Variants in DNAH2 observed in about 807,000 individuals in gnomAD.
DNAH2 encodes dynein axonemal heavy chain 2.
In DNAH2, 323 loss-of-function variants were observed where a neutral mutation model predicts 523.5. That is an observed-to-expected ratio of 0.62 (90% CI 0.56 to 0.68). DNAH2 has a LOEUF of 0.68. Among genes scored for constraint, DNAH2 ranks in the 30% least tolerant of loss-of-function variants. DNAH2 has a pLI of 0.00. For synonymous variants in DNAH2, 2,093 were observed against 2,177.4 expected (o/e 0.96, Z 1.08); for missense variants, 4,907 against 5,701.5 (o/e 0.86, Z 4.49).
rs2075399647 is a variant in DNAH2 at position 7,743,031 on chromosome 17, C to A, written c.1793C>A (p.Thr598Asn). Residue 598 changes from threonine (T) to asparagine (N), a missense_variant, in exon 12 of 86, where the codon ACC (threonine) becomes AAC (asparagine). This residue lies in a region of DNAH2 where 2,806 missense variants were observed against 3,190.8 expected (regional missense o/e 0.88). Coordinates refer to ENST00000572933, the MANE Select transcript of DNAH2 (RefSeq NM_020877.5). ...GCCATTGATGAGCTGGTTCGAAAAACCTTCCAAGAGTGGACATCAAGTCTG... is the reference window on the plus strand; with the variant it reads ...GCCATTGATGAGCTGGTTCGAAAAAACTTCCAAGAGTGGACATCAAGTCTG... ...VQAIDELVRK[T>N]FQEWTSSLDK... The A allele has an allele frequency of 2.0e-6, 3 of 1,523,404 alleles. No homozygotes were observed. Among genetic ancestry groups the A allele is most frequent in the Admixed American group, 2.3e-5 (1 of 44,060 alleles). The allele number at this position is 1,523,404 out of a possible 1,614,324, so 94.4% of individuals were successfully genotyped here.
chr17:7,764,362 G>C, intron 20 of DNAH2, 89 bp downstream of exon 20: 1 of 1,477,742 alleles, frequency 6.8e-7, no homozygotes, highest in Non-Finnish European at 9.1e-7. Flanking sequence ...GGAGAGTAGA[G>C]AAGTGACAGC....
In DNAH2 at chr17:7,819,206, C is replaced by T. The variant is rs749030747; in HGVS notation, c.10816-3C>T. 1.2e-6 allele frequency: 2 copies of T among 1,613,226 alleles called. No homozygotes were observed. Among genetic ancestry groups the T allele is most frequent in the Admixed American group, 1.7e-5 (1 of 60,012 alleles). ...CCCTGACTCCACCCATCCCCACCGG[C>T]AGGCTTACCGCCCATGCGCCCAGCG... is the stretch of plus-strand genomic sequence containing the variant. On this transcript the variant is annotated splice_region_variant and splice_polypyrimidine_tract_variant and intron_variant, in intron 71 of 85. Coordinates refer to ENST00000572933, the MANE Select transcript of DNAH2 (RefSeq NM_020877.5).
At chr17:7,723,551 T>C in intron 2 of DNAH2, 77 bp from the exon 3 acceptor site, 1 of 1,229,462 alleles carries the variant, frequency 8.1e-7, no homozygotes, top group East Asian at 2.3e-5. Flanking sequence ...GGACTACAGG[T>C]GTGAGCCACC....
Position 7,833,371 on chromosome 17 carries a change from T to C in DNAH2, c.13130-8T>C. The C allele has an allele frequency of 6.2e-7, 1 of 1,613,418 alleles. No homozygotes were observed. The highest frequency in any genetic ancestry group is 1.1e-5 in the South Asian group (1 of 91,050). ...CAGGGGTCTGACTTCTCCTCTCCTT[T>C]CCCCCAGGCATGTACTCCTGCCCCT... On this transcript the variant is annotated splice_region_variant and splice_polypyrimidine_tract_variant and intron_variant, in intron 85 of 85. Coordinates refer to ENST00000572933, the MANE Select transcript of DNAH2 (RefSeq NM_020877.5).
Position 7,754,560 on chromosome 17 carries a change from A to G in DNAH2, c.1905-2531A>G, listed in dbSNP as rs545437925. ...AAAGAAGGGCCTAAAGAAGATGCAC[A>G]CCAACAATGCCAAGGCCATGAGTCC... On this transcript the variant is annotated intron_variant, in intron 12 of 85. Transcript: ENST00000572933. The surrounding 1 kb of genome is among the most constrained non-coding windows in gnomAD (Gnocchi z 4.6). 19 of 1,407,906 alleles carry G rather than the reference A, an allele frequency of 1.3e-5. 1 individual carries two copies. The South Asian group carries it at 2.0e-4, about 15-fold the overall frequency. 87.2% of individuals were successfully genotyped at this position (1,407,906 alleles called of 1,614,324 possible). A position where few individuals can be genotyped will look rare whatever the true frequency, so the allele number is the denominator to read the frequency against.
At chr17:7,762,185 G>A (rs982594981) in intron 18 of DNAH2, among the ~76,000 whole-genome samples, 5 of 152,162 alleles carry the variant, frequency 3.3e-5, no homozygotes, top group African/African-American at 1.2e-4. Context: ...CTGTGCTCGT[G>A]TACTGTGTTA....
At chr17:7,797,155 A>G in intron 50 of DNAH2, 21 bp from the exon 51 acceptor site, 1 of 1,595,518 alleles carries the variant, frequency 6.3e-7, no homozygotes, top group Non-Finnish European at 8.6e-7. Context: ...CCCTGGTCCC[A>G]ACAGTCAGTC....
intron 2 of DNAH2, among the ~76,000 whole-genome samples, chr17:7,721,004 C>CTTTTTTTTTTTTTTTTTT (rs71159523): frequency 5.5e-5 from 6 of 109,728 alleles, no homozygotes; most frequent in African/African-American, 9.8e-5. Context: ...TTCTTTCTTT[C>CTTTTTTTTTTTTTTTTTT]TTTTTTTTTT....
At chr17:7,738,907 C>T (rs756153895) in intron 8 of DNAH2, 12 of 699,880 alleles carry the variant, frequency 1.7e-5, no homozygotes, top group South Asian at 5.9e-5. Context: ...CCAATTCAGT[C>T]GGCCTTTCTC....
At chr17:7,806,960 C>T (rs1597725150) in intron 61 of DNAH2, among the ~76,000 whole-genome samples, 190 bp from the exon 62 acceptor site, 1 of 152,258 alleles carries the variant, frequency 6.6e-6, no homozygotes, top group Non-Finnish European at 1.5e-5. Context: ...TGTCGAGGAC[C>T]TTGGGGACTG....
chr17:7,818,838 G>A, intron 70 of DNAH2, 62 bp downstream of exon 70: 2 of 1,610,612 alleles, frequency 1.2e-6, no homozygotes, highest in Non-Finnish European at 1.7e-6. Flanking sequence ...CCTCCACCCA[G>A]TCTACCCCAG....
Position 7,807,478 on chromosome 17 carries a change from G to A in DNAH2, c.9621G>A (p.Gly3207=). Residue 3207 remains glycine, a synonymous_variant, in exon 63 of 86, where the codon GGG becomes GGA. Coordinates refer to ENST00000572933, the MANE Select transcript of DNAH2 (RefSeq NM_020877.5). This position sits in a 1 kb window ranked among gnomAD's most constrained non-coding sequence, Gnocchi z 5.6. ...TGACTGTCTCCCCACAGCTGTATGG[G>A]CGGCTATATCGGGTGGTGGAGCCCA... ...CMWVRAMELY[G]RLYRVVEPKR... The A allele has an allele frequency of 8.1e-6, 13 of 1,613,548 alleles. No individual in the cohort carries two copies. Among genetic ancestry groups the A allele is most frequent in the Non-Finnish European group, 1.1e-5 (13 of 1,180,042 alleles).
At chr17:7,764,992 C>T (rs2076121792) in intron 20 of DNAH2, among the ~76,000 whole-genome samples, 1 of 151,636 alleles carries the variant, frequency 6.6e-6, no homozygotes, top group African/African-American at 2.4e-5. Flanking sequence ...ACAGGCACCT[C>T]AAGTGATCCT....
At position 7,819,049 on chromosome 17, in the gene DNAH2, G is replaced by C; in HGVS notation, c.10801G>C (p.Asp3601His). Reference protein sequence around the residue: ...ETSETTEINTDLAREAYRPCA... With the variant: ...ETSETTEINTHLAREAYRPCA... The stretch of plus-strand genomic sequence containing the variant: ...CAGTGAGACCACAGAGATCAACACT[G>C]ACTTGGCGCGGGAGGTAAGCTCCCG... The change falls in exon 71 of 86, where the codon GAC (aspartate) becomes CAC (histidine). Residue 3601 changes from aspartate (D) to histidine (H), a missense_variant. Around this residue, in one of 3 missense-constraint regions of DNAH2, gnomAD observed 1,851 missense variants for 2,139.4 expected, o/e 0.87. Transcript: ENST00000572933. 1 of 1,605,602 alleles carries C rather than the reference G, an allele frequency of 6.2e-7. No homozygotes were observed. Among genetic ancestry groups the C allele is most frequent in the Non-Finnish European group, 8.5e-7 (1 of 1,179,088 alleles).
chr17:7,763,749 A>G (rs1307470660), intron 18 of DNAH2, 82 bp from the exon 19 acceptor site: 1 of 1,550,284 alleles, frequency 6.5e-7, no homozygotes, highest in African/African-American at 1.4e-5. Context: ...GTGGAAGGAA[A>G]TGAGACCTGC....
At chr17:7,724,119 A>C (rs567366514) in intron 3 of DNAH2, among the ~76,000 whole-genome samples, 16 of 152,166 alleles carry the variant, frequency 1.1e-4, no homozygotes, top group Non-Finnish European at 2.1e-4. Context: ...GCACTAAATG[A>C]CCTCTGCTTC....
rs575235290 is a variant in DNAH2, at chr17:7,733,088, C to T, written c.401C>T (p.Thr134Ile). The part of the protein sequence containing the change: ...LKLELGMPVQ[T>I]QNQLVYFIRQ... ...TCTGATCTGCTGTCTTCCATGCAGA[C>T]CCAGAACCAGCTTGTCTACTTCATT... The change falls in exon 5 of 86, where the codon ACC becomes ATC. Residue 134 changes from threonine (T) to isoleucine (I), a missense_variant and splice_region_variant. Around this residue, in one of 3 missense-constraint regions of DNAH2, gnomAD observed 2,806 missense variants for 3,190.8 expected, o/e 0.88. Coordinates refer to ENST00000572933, the MANE Select transcript of DNAH2 (RefSeq NM_020877.5). The T allele has an allele frequency of 6.2e-7, 1 of 1,614,038 alleles. No homozygotes were observed. The highest frequency in any genetic ancestry group is 1.3e-5 in the African/African-American group (1 of 75,042).
chr17:7,738,651 C>G (rs571879136), intron 8 of DNAH2, among the ~76,000 whole-genome samples: 34 of 152,228 alleles, frequency 2.2e-4, no homozygotes, highest in Admixed American at 2.1e-3. Flanking sequence ...TTAATAATCT[C>G]TCCTCCCTGA....
intron 16 of DNAH2, 54 bp from the exon 17 acceptor site, chr17:7,759,737 G>A: frequency 6.2e-7 from 1 of 1,611,072 alleles, no homozygotes; most frequent in South Asian, 1.1e-5. Flanking sequence ...GCTGAAGTGT[G>A]TGACCTTCCC....
Sources: allele counts gnomAD v4.1 joint callset (sites outside exome capture counted in the v4.1 genomes callset), GRCh38; gene constraint gnomAD v4.1.1; regional missense constraint gnomAD v4.1.1; non-coding constraint Gnocchi (gnomAD v3.1); transcripts MANE v1.5; gene names NCBI Gene and HGNC (gene_info 2026-07-23, HGNC 2026-07-21).